The following TMEM232 variants were observed in gnomAD, a reference collection of about 807,000 sequenced individuals.
TMEM232 encodes transmembrane protein 232.
A neutral mutation model predicts 78.8 loss-of-function variants in TMEM232; 80 were observed. That is an observed-to-expected ratio of 1.01 (90% CI 0.85 to 1.22). The LOEUF (loss-of-function observed/expected upper bound fraction) is 1.22. Among genes scored for constraint, TMEM232 ranks in the 50% most tolerant of loss-of-function variants. TMEM232 has a pLI of 0.00. For synonymous variants in TMEM232, 297 were observed against 254.3 expected, an observed-to-expected ratio of 1.17 and a Z score of -1.60; for missense variants, 881 against 742.2, an observed-to-expected ratio of 1.19 and a Z score of -2.17.
intron 13 of TMEM232, among the ~76,000 whole-genome samples, chr5:110,424,577 T>C (rs1040920950): frequency 6.6e-6 from 1 of 152,140 alleles, no homozygotes; most frequent in Non-Finnish European, 1.5e-5. Context: ...AAGAAATCAG[T>C]ACTAATTCAG....
chr5:110,552,856 G>T (rs939325440), intron 11 of TMEM232, among the ~76,000 whole-genome samples: 3 of 151,998 alleles, frequency 2.0e-5, no homozygotes, highest in African/African-American at 7.3e-5. Context: ...TTTCTGCTAG[G>T]GTTTTTATAG....
chr5:110,447,866 T>C (rs1381467130), intron 12 of TMEM232, among the ~76,000 whole-genome samples: 1 of 151,866 alleles, frequency 6.6e-6, no homozygotes, highest in East Asian at 1.9e-4. Context: ...TCAGAGGAAA[T>C]TGTAAAGTGA....
chr5:110,413,728 T>G (rs1335098225), intron 2 of TMEM232, among the ~76,000 whole-genome samples: 1 of 152,184 alleles, frequency 6.6e-6, no homozygotes, highest in African/African-American at 2.4e-5. Flanking sequence ...TCCTCAAATC[T>G]CAAACACTTA....
intron 11 of TMEM232, among the ~76,000 whole-genome samples, chr5:110,561,945 C>G (rs1050774401): frequency 6.6e-6 from 1 of 151,984 alleles, no homozygotes; most frequent in African/African-American, 2.4e-5. Context: ...ATAAGATTTG[C>G]CATTGCCTAT....
At chr5:110,730,835 C>T (rs1364021398), upstream of TMEM232, among the ~76,000 whole-genome samples, 2 of 152,134 alleles carry the variant, frequency 1.3e-5, no homozygotes, top group East Asian at 3.8e-4. Flanking sequence ...GATCATTCTG[C>T]CCCTGGCCCC....
In TMEM232 at chr5:110,433,989, A is replaced by G. The variant is rs1024554819; in HGVS notation, c.1704-9073T>C. Among the ~76,000 whole-genome samples the G allele has an allele frequency of 8.5e-5, 13 of 152,116 alleles. No homozygotes were observed. In the Middle Eastern group the frequency reaches 0.017, roughly 199 times the overall value. ...ATTTTGGTATCAGGATGATACTAGT[A>G]TTATAGAATGAGTTAAGGAGGTATC... is the stretch of plus-strand genomic sequence containing the variant. On this transcript the variant is annotated intron_variant, in intron 12 of 13. Transcript: ENST00000455884.
chr5:110,665,911 A>C (rs913519173), intron 2 of TMEM232, among the ~76,000 whole-genome samples: 4 of 150,456 alleles, frequency 2.7e-5, no homozygotes, highest in Admixed American at 1.3e-4. Flanking sequence ...AAAAAAAAAA[A>C]ACTAAAAATT....
chr5:110,409,647 A>T (rs758227264), intron 2 of TMEM232, among the ~76,000 whole-genome samples: 5 of 151,850 alleles, frequency 3.3e-5, no homozygotes, highest in African/African-American at 1.2e-4. Flanking sequence ...ATAACTTTCT[A>T]TGTCATTCCT....
At chr5:110,657,950 A>G (rs1165673706) in intron 2 of TMEM232, among the ~76,000 whole-genome samples, 3 of 152,200 alleles carry the variant, frequency 2.0e-5, no homozygotes, top group East Asian at 3.8e-4. Context: ...GAAATTTCAA[A>G]TAACAATTAA....
intron 5 of TMEM232, among the ~76,000 whole-genome samples, chr5:110,629,664 C>T (rs1784871384): frequency 6.6e-6 from 1 of 151,688 alleles, no homozygotes; most frequent in South Asian, 2.1e-4. Context: ...CTCTTTTTTT[C>T]TGATACTTTT....
At chr5:110,439,822 G>A (rs555960676) in intron 12 of TMEM232, among the ~76,000 whole-genome samples, 1 of 152,048 alleles carries the variant, frequency 6.6e-6, no homozygotes, top group African/African-American at 2.4e-5. Context: ...GAATTTTATA[G>A]TCCTGGGCCA....
intron 2 of TMEM232, among the ~76,000 whole-genome samples, chr5:110,661,909 T>C (rs1250343457): frequency 2.0e-5 from 3 of 152,168 alleles, no homozygotes; most frequent in Admixed American, 6.5e-5. Flanking sequence ...ATGTTGAGAA[T>C]TTTTTCATAT....
At chr5:110,603,276 T>C (rs1248183878) in intron 10 of TMEM232, among the ~76,000 whole-genome samples, 1 of 152,180 alleles carries the variant, frequency 6.6e-6, no homozygotes, top group East Asian at 1.9e-4. Context: ...TCTACACATG[T>C]ATCCCAGAAC....
chr5:110,476,692 T>C (rs1172396899), intron 12 of TMEM232, among the ~76,000 whole-genome samples: 2 of 152,058 alleles, frequency 1.3e-5, no homozygotes, highest in Non-Finnish European at 2.9e-5. Context: ...ATGAACAACC[T>C]AATGACAAAC....
rs141690985 is a variant in TMEM232, at chr5:110,694,503, G to A, written c.-12-27139C>T. Among the ~76,000 whole-genome samples the A allele has an allele frequency of 5.8e-3, 878 of 152,244 alleles. 2 individuals are homozygous for A. The highest frequency in any genetic ancestry group is 0.014 in the Middle Eastern group (4 of 292). ...CTAAATGCTACAATTAAAAGACACA[G>A]ACAGGCAAACTGGATAAAGAGTCAA... On this transcript the variant is annotated intron_variant, in intron 1 of 13. Coordinates refer to ENST00000455884, the MANE Select transcript of TMEM232 (RefSeq NM_001039763.4).
At chr5:110,527,350 G>A (rs1770747518) in intron 12 of TMEM232, among the ~76,000 whole-genome samples, 2 of 151,714 alleles carry the variant, frequency 1.3e-5, no homozygotes, top group Non-Finnish European at 1.5e-5. Context: ...ATTTGTGGAG[G>A]CAAATACAAC....
At chr5:110,690,429 A>C (rs1426317771) in intron 1 of TMEM232, among the ~76,000 whole-genome samples, 1 of 152,246 alleles carries the variant, frequency 6.6e-6, no homozygotes, top group East Asian at 1.9e-4. Context: ...ATGAGATACC[A>C]TATCATACCA....
At chr5:110,663,590 C>T (rs760175613) in intron 2 of TMEM232, among the ~76,000 whole-genome samples, 10 of 151,386 alleles carry the variant, frequency 6.6e-5, no homozygotes, top group Non-Finnish European at 8.8e-5. Flanking sequence ...ATAAATGGAG[C>T]GATATACCAT....
rs573807406 is a variant in TMEM232 at position 110,528,778 on chromosome 5, T to G, written c.1513A>C (p.Asn505His). The change falls in exon 12 of 14, where the codon AAT (asparagine) becomes CAT (histidine). Residue 505 changes from asparagine (N) to histidine (H), a missense_variant. Asn to His is a moderately conservative substitution (Grantham distance 68). Transcript: ENST00000455884. ...FTRYSTNISS[N>H]VGEEVFSKYI... The stretch of plus-strand genomic sequence containing the variant: ...TTGGAGAAAACTTCTTCTCCTACAT[T>G]TGATGAAATATTTGTACTATATCTA... 7 of 1,533,344 alleles carry G rather than the reference T, an allele frequency of 4.6e-6. No homozygotes were observed. In the African/African-American group the frequency reaches 6.8e-5, roughly 15 times the overall value. 95.0% of individuals were successfully genotyped at this position (1,533,344 alleles called of 1,614,324 possible). A position where few individuals can be genotyped will look rare whatever the true frequency, so the allele number is the denominator to read the frequency against.
Sources: gnomAD v4.1 joint callset for allele counts (sites outside exome capture counted in the v4.1 genomes callset) on GRCh38, gnomAD v4.1.1 for gene constraint, MANE v1.5 for transcripts, NCBI Gene and HGNC (gene_info 2026-07-23, HGNC 2026-07-21) for gene names.